ADAMTS20: variants seen among roughly 807,000 people sequenced by gnomAD.
The protein encoded by ADAMTS20 is ADAM metallopeptidase with thrombospondin type 1 motif 20, also known as A disintegrin and metalloproteinase with thrombospondin motifs 20.
Under a neutral mutation model 260.1 loss-of-function variants are expected in ADAMTS20, and 225 were observed. The ratio of observed to expected loss-of-function variants is 0.87; its 90% confidence interval spans 0.78 to 0.97. ADAMTS20 has a LOEUF of 0.97. Among genes scored for constraint, ADAMTS20 ranks in the 50% least tolerant of loss-of-function variants. ADAMTS20 has a pLI of 0.00. For synonymous variants in ADAMTS20, 802 were observed against 769.5 expected, an observed-to-expected ratio of 1.04 and a Z score of -0.70; for missense variants, 2,400 against 2,337.7, an observed-to-expected ratio of 1.03 and a Z score of -0.55.
intron 3 of ADAMTS20, 44 bp downstream of exon 3, chr12:43,531,992 T>C: frequency 7.8e-7 from 1 of 1,277,798 alleles, no homozygotes; most frequent in Non-Finnish European, 1.0e-6. Context: ...AAGATTTAAA[T>C]AGTATCACTA....
intron 11 of ADAMTS20, among the ~76,000 whole-genome samples, chr12:43,458,722 CTATT>C (rs1418297489): frequency 1.3e-5 from 2 of 152,112 alleles, no homozygotes; most frequent in East Asian, 3.9e-4. Flanking sequence ...TTTGATGGTA[CTATT>C]ATATTAATTA....
intron 11 of ADAMTS20, among the ~76,000 whole-genome samples, chr12:43,460,988 A>ATATATATATATATATATATTTTTTTTT: frequency 3.8e-5 from 1 of 26,394 alleles, no homozygotes. Context: ...ATATATATAT[A>ATATATATATATATATATATTTTTTTTT]TTTTTTTTTT....
intron 3 of ADAMTS20, among the ~76,000 whole-genome samples, chr12:43,502,935 C>T (rs1438724416): frequency 6.6e-6 from 1 of 151,958 alleles, no homozygotes; most frequent in African/African-American, 2.4e-5. Flanking sequence ...CTATTGAATC[C>T]AGAAAGGCAA....
intron 7 of ADAMTS20, among the ~76,000 whole-genome samples, chr12:43,481,599 G>A (rs965148312): frequency 1.3e-5 from 2 of 152,102 alleles, no homozygotes; most frequent in African/African-American, 4.8e-5. Flanking sequence ...GAAACTATGA[G>A]AATTAATTAA....
At chr12:43,411,689 A>G (rs1318821908) in intron 28 of ADAMTS20, among the ~76,000 whole-genome samples, 3 of 152,164 alleles carry the variant, frequency 2.0e-5, no homozygotes, top group African/African-American at 7.2e-5. Flanking sequence ...TTTTAATACC[A>G]TAAGCTAAAC....
intron 29 of ADAMTS20, among the ~76,000 whole-genome samples, chr12:43,395,892 AT>A (rs1234672866): frequency 7.9e-5 from 12 of 151,620 alleles, no homozygotes; most frequent in Admixed American, 7.2e-4. Flanking sequence ...TTTCCTAGAG[AT>A]TGTGCATTTG....
chr12:43,388,692 C>G (rs970856299), intron 29 of ADAMTS20, among the ~76,000 whole-genome samples: 1 of 152,200 alleles, frequency 6.6e-6, no homozygotes, highest in South Asian at 2.1e-4. Context: ...CACTGGGACT[C>G]AGAGAGGTTA....
chr12:43,501,475 GCGCGCGCACA>G (rs147593837), intron 4 of ADAMTS20, among the ~76,000 whole-genome samples: 3 of 59,074 alleles, frequency 5.1e-5, no homozygotes, highest in Non-Finnish European at 1.2e-4. Context: ...GCGCGCGCGC[GCGCGCGCACA>G]CACACACACA....
chr12:43,414,793 T>A lies in ADAMTS20; in HGVS notation c.4284+10721A>T, dbSNP rs568766255. Among the ~76,000 whole-genome samples the A allele has an allele frequency of 7.7e-4, 117 of 152,154 alleles. 1 individual carries two copies. The highest frequency in any genetic ancestry group is 2.8e-3 in the African/African-American group (115 of 41,508). On this transcript the variant is annotated intron_variant, in intron 28 of 38. Transcript: ENST00000389420. The stretch of plus-strand genomic sequence containing the variant: ...CTAGTTTACACTAGTTTATACTAGA[T>A]ACACTAAGATCCTGCAATTCAACTC...
At chr12:43,433,733 CACACACACA>C in intron 19 of ADAMTS20, 1 of 414,600 alleles carries the variant, frequency 2.4e-6, no homozygotes, top group Non-Finnish European at 4.7e-6. Flanking sequence ...CACACACACA[CACACACACA>C]AACCAAATAA....
intron 3 of ADAMTS20, among the ~76,000 whole-genome samples, chr12:43,528,965 C>T (rs1229122148): frequency 2.6e-5 from 4 of 151,816 alleles, no homozygotes; most frequent in African/African-American, 9.7e-5. Context: ...AGAAAAAAAG[C>T]AAATAATTCC....
chr12:43,493,188 A>C lies in ADAMTS20; in HGVS notation c.933T>G (p.Val311=). The C allele has an allele frequency of 6.4e-7, 1 of 1,562,216 alleles. No homozygotes were observed. Among genetic ancestry groups the C allele is most frequent in the Non-Finnish European group, 8.7e-7 (1 of 1,151,944 alleles). ...TTCTTACCTCCTCACGGTGAATCAT[A>C]ACTAATTTTACCACTACTATGTGTA... ...NLIHIVVVKL[V]MIHREEEGPV... Residue 311 remains valine, a synonymous_variant, in exon 5 of 39, where the codon GTT becomes GTG. Coordinates refer to ENST00000389420, the MANE Select transcript of ADAMTS20 (RefSeq NM_025003.5).
chr12:43,405,119 T>C (rs890321082), intron 28 of ADAMTS20, among the ~76,000 whole-genome samples: 1 of 144,792 alleles, frequency 6.9e-6, no homozygotes, highest in African/African-American at 2.6e-5. Context: ...AGAGGCCAGG[T>C]GGGGTGGCTC....
Position 43,383,926 on chromosome 12 carries a change from G to A in ADAMTS20, c.4504C>T (p.Leu1502=), listed in dbSNP as rs1940413396. ...TCAACCACCTGACCAACACCTTTCAGTCTGCAGTATACATCCCTCTGCTGA... is the reference window on the plus strand; with the variant it reads ...TCAACCACCTGACCAACACCTTTCAATCTGCAGTATACATCCCTCTGCTGA... ...GVQQRDVYCR[L]KGVGQVVEEM... The change falls in exon 30 of 39, where the codon CTG becomes TTG. Residue 1502 remains leucine, a synonymous_variant. Coordinates refer to ENST00000389420, the MANE Select transcript of ADAMTS20 (RefSeq NM_025003.5). 1 of 1,613,836 alleles carries A rather than the reference G, an allele frequency of 6.2e-7. No homozygotes were observed. Among genetic ancestry groups the A allele is most frequent in the Non-Finnish European group, 8.5e-7 (1 of 1,179,860 alleles).
rs1943237347 is a variant in ADAMTS20 at position 43,532,500 on chromosome 12, A to G, written c.454-305T>C. Among the ~76,000 whole-genome samples, 4 of 151,922 alleles carry G rather than the reference A, an allele frequency of 2.6e-5. No homozygotes were observed. The South Asian group carries it at 8.3e-4, about 31-fold the overall frequency. ...AAAAAGTGTTTAGAATAGTCTATAAATAATAAAGCCTGTGCTTTTGATCTG... is the reference window on the plus strand; with the variant it reads ...AAAAAGTGTTTAGAATAGTCTATAAGTAATAAAGCCTGTGCTTTTGATCTG... On this transcript the variant is annotated intron_variant, in intron 2 of 38. Coordinates refer to ENST00000389420, the MANE Select transcript of ADAMTS20 (RefSeq NM_025003.5).
intron 28 of ADAMTS20, among the ~76,000 whole-genome samples, chr12:43,399,751 G>C (rs1940773230): frequency 1.3e-5 from 2 of 152,056 alleles, no homozygotes; most frequent in South Asian, 4.1e-4. Flanking sequence ...GGTTGTTTTT[G>C]GCATCAGTCT....
intron 7 of ADAMTS20, among the ~76,000 whole-genome samples, chr12:43,470,340 C>A (rs904571267): frequency 1.3e-5 from 2 of 152,148 alleles, no homozygotes; most frequent in Admixed American, 6.5e-5. Flanking sequence ...CATTACCAAC[C>A]AAACTTTATG....
rs1026934424 is a variant in ADAMTS20, at chr12:43,399,090, T to C, written c.4428A>G (p.Ser1476=). 2.6e-6 allele frequency: 4 copies of C among 1,529,598 alleles called. No homozygotes were observed. The highest frequency in any genetic ancestry group is 1.7e-4 in the Middle Eastern group (1 of 5,918). The allele number at this position is 1,529,598 out of a possible 1,614,324, so 94.8% of individuals were successfully genotyped here. The part of the protein sequence containing the change: ...HKACRSVRCP[S]WKANSWNECS... Reference sequence around the variant, plus strand: ...CCTCATTCCAGCTATTGGCTTTCCATGAAGGGCATCTGACAGATCTACAGG... The same window carrying C: ...CCTCATTCCAGCTATTGGCTTTCCACGAAGGGCATCTGACAGATCTACAGG... The change falls in exon 29 of 39, where the codon TCA becomes TCG. Residue 1476 remains serine, a synonymous_variant. Coordinates refer to ENST00000389420, the MANE Select transcript of ADAMTS20 (RefSeq NM_025003.5).
intron 31 of ADAMTS20, among the ~76,000 whole-genome samples, chr12:43,378,823 T>C (rs1940286555): frequency 6.6e-6 from 1 of 152,184 alleles, no homozygotes; most frequent in Non-Finnish European, 1.5e-5. Context: ...CTCTCTTCTA[T>C]AATAGCAGTG....
Sources: gnomAD v4.1 joint callset for allele counts (sites outside exome capture counted in the v4.1 genomes callset) on GRCh38, gnomAD v4.1.1 for gene constraint, MANE v1.5 for transcripts, NCBI Gene and HGNC (gene_info 2026-07-23, HGNC 2026-07-21) for gene names.